RAB21: variants seen among roughly 807,000 people sequenced by gnomAD.
RAB21 encodes ras-related protein Rab-21.
In RAB21, 13 loss-of-function variants were observed where a neutral mutation model predicts 33.1. The ratio of observed to expected loss-of-function variants is 0.39; its 90% CI spans 0.26 to 0.62. The LOEUF (loss-of-function observed/expected upper bound fraction) is 0.62, where lower values mean the gene tolerates loss of function less well. RAB21 is among the 20% of genes least tolerant of loss of function. The pLI, the probability that RAB21 is intolerant of heterozygous loss-of-function variation, is 0.48. For missense variants in RAB21, 234 were observed against 279.1 expected (o/e 0.84, Z 1.15); for synonymous variants, 91 against 103.7 (o/e 0.88, Z 0.74).
chr12:71,761,016 G>C (rs1302610169), intron 1 of RAB21, among the ~76,000 whole-genome samples: 1 of 151,346 alleles, frequency 6.6e-6, no homozygotes, highest in Non-Finnish European at 1.5e-5. Context: ...ACCAGCATGG[G>C]TAATGTAGCA....
chr12:71,785,690 A>G lies in RAB21; in HGVS notation c.*17A>G. On this transcript the variant is annotated 3_prime_UTR_variant, in exon 7 of 7. Coordinates refer to ENST00000261263, the MANE Select transcript of RAB21 (RefSeq NM_014999.4). ...TCTGGATAACTGTTCACGCCTAAGA[A>G]ATTAAAAGACAGAACAAAACTGTGG... The G allele has an allele frequency of 6.2e-7, 1 of 1,613,892 alleles. No individual in the cohort carries two copies. The highest frequency in any genetic ancestry group is 1.7e-5 in the Admixed American group (1 of 59,968).
chr12:71,784,272 G>A (rs1006641090), intron 6 of RAB21, among the ~76,000 whole-genome samples: 4 of 151,960 alleles, frequency 2.6e-5, no homozygotes, highest in African/African-American at 9.7e-5. Context: ...TTTCTTACCT[G>A]TGTCTCTTAA....
chr12:71,761,450 G>GGGTGGATCACCTGAGGTC (rs1212748365), intron 1 of RAB21, among the ~76,000 whole-genome samples: 4 of 152,116 alleles, frequency 2.6e-5, no homozygotes, highest in African/African-American at 9.7e-5. Flanking sequence ...AGGCTGAGGT[G>GGGTGGATCACCTGAGGTC]GGTGGATCAC....
chr12:71,784,314 TTATC>T (rs1332087733), intron 6 of RAB21, among the ~76,000 whole-genome samples: 39 of 152,292 alleles, frequency 2.6e-4, no homozygotes, highest in African/African-American at 9.4e-4. Flanking sequence ...GAGGTCCAGT[TTATC>T]TATTTTTCTT....
chr12:71,783,864 C>T (rs1883240034), intron 6 of RAB21, among the ~76,000 whole-genome samples: 1 of 150,732 alleles, frequency 6.6e-6, no homozygotes, highest in African/African-American at 2.4e-5. Context: ...CTCCCTCCCT[C>T]CCTTCCTTCC....
At position 71,798,109 on chromosome 12, in the gene RAB21, A is replaced by G. The variant is rs980427762; in HGVS notation, c.*12436A>G. 2 of 152,138 alleles carry G rather than the reference A, an allele frequency of 1.3e-5. No individual in the cohort carries two copies. Among genetic ancestry groups the G allele is most frequent in the African/African-American group, 2.4e-5 (1 of 41,422 alleles). The allele number at this position is 152,138 out of a possible 1,614,324, so 9.4% of individuals were successfully genotyped here. On this transcript the variant is annotated 3_prime_UTR_variant, in exon 7 of 7. Transcript: ENST00000261263. ...TAAATTATTATTATTTTTGAGATGG[A>G]GTCTCACTCTATTGCCCAGGCTAGA...
intron 4 of RAB21, among the ~76,000 whole-genome samples, chr12:71,778,585 T>G (rs1464592935): frequency 6.6e-6 from 1 of 152,182 alleles, no homozygotes; most frequent in Non-Finnish European, 1.5e-5. Flanking sequence ...TGTGCCAGGC[T>G]TTGGGAATAG....
intron 4 of RAB21, among the ~76,000 whole-genome samples, chr12:71,781,437 C>CCAGCCTGGGTGACAG (rs1327483147): frequency 6.6e-6 from 1 of 151,432 alleles, no homozygotes; most frequent in Non-Finnish European, 1.5e-5. Context: ...CCACTGCACT[C>CCAGCCTGGGTGACAG]CAGCCTGGGT....
At chr12:71,779,139 A>T (rs899354671) in intron 4 of RAB21, among the ~76,000 whole-genome samples, 7 of 152,164 alleles carry the variant, frequency 4.6e-5, no homozygotes, top group African/African-American at 1.7e-4. Flanking sequence ...CAGTGAGACT[A>T]ACAGAGGTTA....
Position 71,796,386 on chromosome 12 carries a change from A to T in RAB21, c.*10713A>T, listed in dbSNP as rs1367335310. Reference sequence around the variant, plus strand: ...TCTAGCTTTTACTTCATCTTATGAAAGATTAACTTAGAGGTTAGAATGCTT... The same window carrying T: ...TCTAGCTTTTACTTCATCTTATGAATGATTAACTTAGAGGTTAGAATGCTT... On this transcript the variant is annotated 3_prime_UTR_variant, in exon 7 of 7. Coordinates refer to ENST00000261263, the MANE Select transcript of RAB21 (RefSeq NM_014999.4). 1 of 137,548 alleles carries T rather than the reference A, an allele frequency of 7.3e-6. No individual in the cohort carries two copies. Among genetic ancestry groups the T allele is most frequent in the Non-Finnish European group, 1.5e-5 (1 of 65,984 alleles). 8.5% of individuals were successfully genotyped at this position (137,548 alleles called of 1,614,324 possible).
rs1883480458 is a variant in RAB21, at chr12:71,797,601, G to T, written c.*11928G>T. 1.5e-5 allele frequency: 2 copies of T among 136,486 alleles called. No individual in the cohort carries two copies. The highest frequency in any genetic ancestry group is 5.6e-5 in the African/African-American group (2 of 35,946). The allele number at this position is 136,486 out of a possible 1,614,324, so 8.5% of individuals were successfully genotyped here. ...GATTAAAAAAAAAAAAAACTAGATC[G>T]CTGATTCCAAAGTTTCTTTGAGGAA... On this transcript the variant is annotated 3_prime_UTR_variant, in exon 7 of 7. Coordinates refer to ENST00000261263, the MANE Select transcript of RAB21 (RefSeq NM_014999.4).
intron 1 of RAB21, among the ~76,000 whole-genome samples, 162 bp downstream of exon 1, chr12:71,755,450 G>A (rs1437677374): frequency 6.6e-6 from 1 of 152,190 alleles, no homozygotes; most frequent in Non-Finnish European, 1.5e-5. Context: ...GGAATCACCA[G>A]GTCGGGGCAG....
In RAB21 at chr12:71,785,553, G is replaced by A. The variant is rs1400945420; in HGVS notation, c.558G>A (p.Val186=). 1.9e-6 allele frequency: 3 copies of A among 1,614,102 alleles called. No individual in the cohort carries two copies. In the Admixed American group the frequency reaches 5.0e-5, roughly 27 times the overall value. The change falls in exon 7 of 7, where the codon GTG becomes GTA. Residue 186 remains valine, a synonymous_variant. Transcript: ENST00000261263. ...LCKRMIETAQ[V]DERAKGNGSS... is the part of the protein sequence containing the mutation. ...TAGGGATGATAGAAACAGCACAAGT[G>A]GATGAGAGAGCAAAAGGCAATGGCT...
intron 6 of RAB21, among the ~76,000 whole-genome samples, chr12:71,783,554 C>T (rs896461521): frequency 6.6e-6 from 1 of 151,788 alleles, no homozygotes; most frequent in African/African-American, 2.4e-5. Flanking sequence ...AAGTGATGTC[C>T]CCTGATCAGC....
At chr12:71,785,265 A>G (rs1883266649) in intron 6 of RAB21, among the ~76,000 whole-genome samples, 1 of 152,198 alleles carries the variant, frequency 6.6e-6, no homozygotes, top group Non-Finnish European at 1.5e-5. Flanking sequence ...AATTGTTCAG[A>G]GCAAAAAAAT....
intron 2 of RAB21, 152 bp downstream of exon 2, chr12:71,770,011 A>T (rs548402445): frequency 2.4e-6 from 1 of 413,326 alleles, no homozygotes; most frequent in African/African-American, 2.1e-5. Context: ...ATATAATTGT[A>T]TATTTGAATA....
At position 71,782,057 on chromosome 12, in the gene RAB21, A is replaced by T. The variant is rs1026414899; in HGVS notation, c.418A>T (p.Arg140Ter). 6.2e-7 allele frequency: 1 copy of T among 1,607,158 alleles called. No individual in the cohort carries two copies. Among genetic ancestry groups the T allele is most frequent in the Non-Finnish European group, 8.5e-7 (1 of 1,174,070 alleles). Residue 140 changes from arginine to a stop codon, truncating the protein, a stop_gained, in exon 5 of 7, where the codon AGA (arginine) becomes TGA (stop). Coordinates refer to ENST00000261263, the MANE Select transcript of RAB21 (RefSeq NM_014999.4). LOFTEE classifies it high-confidence loss of function. The stretch of plus-strand genomic sequence containing the variant: ...TAATAAAATAGACTTGGAAAAGGAG[A>T]GACATGTTTCCATTCAAGAAGCAGA... ...VGNKIDLEKE[R>*]HVSIQEAESY...
At chr12:71,782,985 T>C (rs889884784) in intron 6 of RAB21, among the ~76,000 whole-genome samples, 2 of 152,106 alleles carry the variant, frequency 1.3e-5, no homozygotes, top group Non-Finnish European at 2.9e-5. Context: ...CCTCTTGCAA[T>C]GAATGGACCT....
intron 1 of RAB21, among the ~76,000 whole-genome samples, chr12:71,765,416 C>T (rs1225041926): frequency 1.3e-5 from 2 of 151,988 alleles, no homozygotes; most frequent in African/African-American, 4.8e-5. Flanking sequence ...GTTTACTCTG[C>T]TGAGTATTTA....
Sources: allele counts gnomAD v4.1 joint callset (sites outside exome capture counted in the v4.1 genomes callset), GRCh38; gene constraint gnomAD v4.1.1; transcripts MANE v1.5; gene names NCBI Gene and HGNC (gene_info 2026-07-23, HGNC 2026-07-21).